CAMK1D: variants seen among roughly 807,000 people sequenced by gnomAD.
CAMK1D encodes the protein calcium/calmodulin-dependent protein kinase type 1D.
A neutral mutation model predicts 47.7 loss-of-function variants in CAMK1D; 9 were observed. The ratio of observed to expected loss-of-function variants is 0.19; its 90% CI spans 0.11 to 0.33. CAMK1D has a LOEUF of 0.33. CAMK1D is among the 10% of genes least tolerant of loss of function. CAMK1D has a pLI of 1.00. For missense variants in CAMK1D, 291 were observed against 488.7 expected, an observed-to-expected ratio of 0.60 and a Z score of 3.81; for synonymous variants, 184 against 184.9, an observed-to-expected ratio of 0.99 and a Z score of 0.04.
chr10:12,352,602 C>A (rs1837384931), intron 1 of CAMK1D, among the ~76,000 whole-genome samples: 1 of 150,886 alleles, frequency 6.6e-6, no homozygotes, highest in African/African-American at 2.4e-5. Flanking sequence ...GAGTGAGACT[C>A]GGTCTCAAAA....
intron 3 of CAMK1D, among the ~76,000 whole-genome samples, chr10:12,746,532 G>C (rs1835689267): frequency 6.6e-6 from 1 of 152,058 alleles, no homozygotes. Flanking sequence ...AAATGTTTTG[G>C]GGGTCTCTGA....
chr10:12,492,856 C>A (rs949600906), intron 1 of CAMK1D, among the ~76,000 whole-genome samples: 1 of 152,168 alleles, frequency 6.6e-6, no homozygotes, highest in Admixed American at 6.5e-5. Context: ...TGCTCCTTTG[C>A]TGTAGGTGAC....
chr10:12,726,407 C>G (rs1191245652), intron 3 of CAMK1D, among the ~76,000 whole-genome samples: 1 of 151,720 alleles, frequency 6.6e-6, no homozygotes, highest in Admixed American at 6.6e-5. Flanking sequence ...CCAGACAGAG[C>G]AAGACTCTGT....
chr10:12,424,394 C>T (rs944225964), intron 1 of CAMK1D, among the ~76,000 whole-genome samples: 3 of 152,100 alleles, frequency 2.0e-5, no homozygotes, highest in Middle Eastern at 3.2e-3. Context: ...CTTTTCTAAT[C>T]CCTCCTCCAA....
intron 3 of CAMK1D, among the ~76,000 whole-genome samples, chr10:12,688,024 C>T (rs140851597): frequency 8.2e-4 from 125 of 152,210 alleles, no homozygotes; most frequent in Non-Finnish European, 1.3e-3. Context: ...TGAAAACAAT[C>T]GCTGCCTACT....
At chr10:12,739,434 C>A (rs1835330241) in intron 3 of CAMK1D, among the ~76,000 whole-genome samples, 1 of 150,318 alleles carries the variant, frequency 6.7e-6, no homozygotes, top group Admixed American at 6.6e-5. Flanking sequence ...TGCCACCACA[C>A]CCGGCTAATT....
chr10:12,770,257 T>G (rs1174510471), intron 5 of CAMK1D, among the ~76,000 whole-genome samples: 1 of 152,234 alleles, frequency 6.6e-6, no homozygotes, highest in Non-Finnish European at 1.5e-5. Context: ...CTCTCATCAA[T>G]CAGTTAACCC....
intron 2 of CAMK1D, among the ~76,000 whole-genome samples, chr10:12,615,910 G>A (rs1838788450): frequency 6.6e-6 from 1 of 151,854 alleles, no homozygotes; most frequent in African/African-American, 2.4e-5. Flanking sequence ...GTGCTGGTGT[G>A]TGTATAGGTG....
chr10:12,609,958 A>G (rs1304827558), intron 2 of CAMK1D, among the ~76,000 whole-genome samples: 2 of 152,188 alleles, frequency 1.3e-5, no homozygotes, highest in African/African-American at 4.8e-5. Context: ...GTGACAGTGA[A>G]GTCATTTGTG....
chr10:12,397,499 A>C (rs1026659197), intron 1 of CAMK1D, among the ~76,000 whole-genome samples: 3 of 152,150 alleles, frequency 2.0e-5, no homozygotes, highest in African/African-American at 7.2e-5. Flanking sequence ...CCCCAGTCCT[A>C]ACTCTAGCCC....
chr10:12,673,894 G>A (rs1250836671), intron 3 of CAMK1D, among the ~76,000 whole-genome samples: 1 of 152,024 alleles, frequency 6.6e-6, no homozygotes, highest in African/African-American at 2.4e-5. Context: ...GTTTTTGTTT[G>A]GCAAGGCTCA....
At chr10:12,394,791 C>T (rs144424268) in intron 1 of CAMK1D, among the ~76,000 whole-genome samples, 158 of 152,168 alleles carry the variant, frequency 1.0e-3, no homozygotes, top group African/African-American at 3.6e-3. Context: ...AGTGTTAGCT[C>T]GTGACACATC....
chr10:12,702,566 G>C (rs953435879), intron 3 of CAMK1D, among the ~76,000 whole-genome samples: 1 of 152,192 alleles, frequency 6.6e-6, no homozygotes, highest in South Asian at 2.1e-4. Context: ...AAGCAGTGTG[G>C]GCCGCACCTG....
intron 1 of CAMK1D, among the ~76,000 whole-genome samples, chr10:12,531,837 C>T (rs938301083): frequency 6.6e-6 from 1 of 152,200 alleles, no homozygotes; most frequent in Non-Finnish European, 1.5e-5. Flanking sequence ...GCTGGTCTTC[C>T]TACCTGGGTG....
chr10:12,625,621 A>G (rs12768769), intron 2 of CAMK1D, among the ~76,000 whole-genome samples: 1,005 of 90,116 alleles, frequency 0.011, 1 homozygote, highest in Middle Eastern at 0.045. Flanking sequence ...ATGAGCCCCC[A>G]CGCCCCGCCC....
At chr10:12,581,899 C>G (rs977398029) in intron 2 of CAMK1D, among the ~76,000 whole-genome samples, 14 of 152,144 alleles carry the variant, frequency 9.2e-5, no homozygotes, top group Non-Finnish European at 1.9e-4. Flanking sequence ...TTAATCAAGT[C>G]CCATCTATTT....
At chr10:12,487,657 G>A (rs12570508) in intron 1 of CAMK1D, among the ~76,000 whole-genome samples, 2,987 of 152,322 alleles carry the variant, frequency 0.02, 150 homozygotes, top group Admixed American at 0.11. Flanking sequence ...AAGGTGTCAC[G>A]TAACTGGAAT....
At chr10:12,535,129 C>T (rs1033366046) in intron 1 of CAMK1D, among the ~76,000 whole-genome samples, 2 of 152,172 alleles carry the variant, frequency 1.3e-5, no homozygotes, top group African/African-American at 4.8e-5. Flanking sequence ...GTCCCTGCTA[C>T]AGCCCATCGT....
chr10:12,563,670 A>AGAGG lies in CAMK1D; in HGVS notation c.224+10317_224+10318insGGAG, dbSNP rs1334203693. On this transcript the variant is annotated intron_variant, in intron 2 of 10. Coordinates refer to ENST00000619168, the MANE Select transcript of CAMK1D (RefSeq NM_153498.4). ...CCAGAAGAGGCGGAAGGTTTGAGAG[A>AGAGG]GAGAGAGAGAGAGAGAGAGAGAGAG... 6.9e-3 allele frequency among the ~76,000 whole-genome samples: 675 copies of AGAGG among 97,402 alleles called. 2 individuals carry two copies. Among genetic ancestry groups the AGAGG allele is most frequent in the African/African-American group, 0.013 (362 of 27,384 alleles). 63.9% of individuals were successfully genotyped at this position (97,402 alleles called of 152,430 possible).
Sources: allele counts gnomAD v4.1 joint callset (sites outside exome capture counted in the v4.1 genomes callset), GRCh38; gene constraint gnomAD v4.1.1; transcripts MANE v1.5; gene names NCBI Gene and HGNC (gene_info 2026-07-23, HGNC 2026-07-21).